Variants in NTN4 observed in about 807,000 individuals in gnomAD.
NTN4 encodes the protein netrin 4.
In NTN4, 32 loss-of-function variants were observed where a neutral mutation model predicts 73.6. The observed-to-expected ratio is 0.44, with a 90% CI of 0.33 to 0.58. The LOEUF (loss-of-function observed/expected upper bound fraction) is 0.58, where lower values mean the gene tolerates loss of function less well. NTN4 is among the 20% of genes least tolerant of loss of function. The probability of loss-of-function intolerance (pLI) is 0.04; values close to 1 mark genes in which losing one functional copy is unlikely to be tolerated. For synonymous variants in NTN4, 258 were observed against 287.5 expected (o/e 0.90, Z 1.04); for missense variants, 654 against 798.3 (o/e 0.82, Z 2.18).
chr12:95,673,219 T>C (rs531437062), intron 7 of NTN4: 23 of 428,472 alleles, frequency 5.4e-5, no homozygotes, highest in African/African-American at 4.3e-4. Context: ...ATTTTCGTTT[T>C]AGCCATTTTT....
intron 5 of NTN4, among the ~76,000 whole-genome samples, chr12:95,698,862 AAAAAT>A (rs2078461536): frequency 6.6e-6 from 1 of 152,016 alleles, no homozygotes. Flanking sequence ...GCCTCAAAAA[AAAAAT>A]AAAATAAAAA....
At chr12:95,774,394 G>A (rs2079077733) in intron 2 of NTN4, among the ~76,000 whole-genome samples, 1 of 152,094 alleles carries the variant, frequency 6.6e-6, no homozygotes, top group South Asian at 2.1e-4. Flanking sequence ...TGAGAATAAG[G>A]GATGCAGCGC....
intron 5 of NTN4, among the ~76,000 whole-genome samples, chr12:95,699,477 G>C (rs1023128956): frequency 2.6e-5 from 4 of 152,134 alleles, no homozygotes; most frequent in Non-Finnish European, 4.4e-5. Flanking sequence ...AGTGCAAACG[G>C]AAATGCAGAG....
At chr12:95,695,438 T>C (rs1487538178) in intron 5 of NTN4, among the ~76,000 whole-genome samples, 5 of 152,046 alleles carry the variant, frequency 3.3e-5, no homozygotes, top group South Asian at 2.1e-4. Flanking sequence ...GATCTTGGTT[T>C]ACTGCAACCT....
rs1035961381 is a variant in NTN4, at chr12:95,781,208, C to T, written c.585+5731G>A. On this transcript the variant is annotated intron_variant, in intron 2 of 9. Coordinates refer to ENST00000343702, the MANE Select transcript of NTN4 (RefSeq NM_021229.4). This position sits in a 1 kb window ranked among gnomAD's most constrained non-coding sequence, Gnocchi z 4.1. The stretch of plus-strand genomic sequence containing the variant: ...TAAGAGATATACCTTATGTAAATGA[C>T]GAGTTAATGGGTGCAGCACACCAGC... Among the ~76,000 whole-genome samples the T allele has an allele frequency of 3.9e-5, 6 of 152,032 alleles. No homozygotes were observed. The highest frequency in any genetic ancestry group is 2.1e-4 in the South Asian group (1 of 4,816).
chr12:95,721,363 T>A lies in NTN4; in HGVS notation c.865-8025A>T, dbSNP rs544804997. Reference sequence around the variant, plus strand: ...TGAATACAGAGAGACTGGCCCCAATTTCCCACACCTGGCATAAAGTTCAGG... The same window carrying A: ...TGAATACAGAGAGACTGGCCCCAATATCCCACACCTGGCATAAAGTTCAGG... On this transcript the variant is annotated intron_variant, in intron 3 of 9. Coordinates refer to ENST00000343702, the MANE Select transcript of NTN4 (RefSeq NM_021229.4). Among the ~76,000 whole-genome samples, 179 of 152,234 alleles carry A rather than the reference T, an allele frequency of 1.2e-3. 2 individuals carry two copies. In the South Asian group the frequency reaches 0.037, roughly 31 times the overall value.
chr12:95,693,205 C>A (rs556590914), intron 5 of NTN4, among the ~76,000 whole-genome samples: 1 of 151,188 alleles, frequency 6.6e-6, no homozygotes, highest in South Asian at 2.1e-4. Context: ...TAGATAATGA[C>A]AGGGCAGTAA....
chr12:95,773,504 A>T (rs915348292), intron 2 of NTN4, among the ~76,000 whole-genome samples: 1 of 152,044 alleles, frequency 6.6e-6, no homozygotes, highest in Non-Finnish European at 1.5e-5. Flanking sequence ...CATCACTCTG[A>T]TCTCACCTAC....
At chr12:95,778,849 A>T (rs1274751828) in intron 2 of NTN4, among the ~76,000 whole-genome samples, 3 of 152,170 alleles carry the variant, frequency 2.0e-5, no homozygotes, top group African/African-American at 7.2e-5. Flanking sequence ...CCTGGCAGAG[A>T]CACAACAAAA....
intron 2 of NTN4, among the ~76,000 whole-genome samples, chr12:95,750,899 C>G (rs1372630426): frequency 2.0e-5 from 3 of 152,208 alleles, no homozygotes; most frequent in Non-Finnish European, 2.9e-5. Context: ...AGCCCTCCCC[C>G]ACCTGCCCAG....
chr12:95,762,658 T>G (rs1005101631), intron 2 of NTN4, among the ~76,000 whole-genome samples: 1 of 152,168 alleles, frequency 6.6e-6, no homozygotes, highest in Non-Finnish European at 1.5e-5. Context: ...GAAAGAGAGG[T>G]GAGTCTAATT....
At chr12:95,778,085 C>T (rs567948056) in intron 2 of NTN4, among the ~76,000 whole-genome samples, 1 of 152,150 alleles carries the variant, frequency 6.6e-6, no homozygotes, top group Admixed American at 6.5e-5. Context: ...GAAATGAAGG[C>T]AGAAATAAAG....
intron 5 of NTN4, among the ~76,000 whole-genome samples, chr12:95,703,316 A>G (rs1289741471): frequency 1.3e-5 from 2 of 152,184 alleles, no homozygotes; most frequent in Non-Finnish European, 2.9e-5. Flanking sequence ...AAGGTTCATT[A>G]TTTCCTTGGT....
At chr12:95,688,839 A>T (rs186392191) in intron 5 of NTN4, among the ~76,000 whole-genome samples, 1 of 152,092 alleles carries the variant, frequency 6.6e-6, no homozygotes, top group Non-Finnish European at 1.5e-5. Flanking sequence ...CAAACAGTGC[A>T]GAATGCTCAA....
intron 2 of NTN4, among the ~76,000 whole-genome samples, chr12:95,775,491 C>T (rs11108259): frequency 0.013 from 1,926 of 152,340 alleles, 44 homozygotes; most frequent in African/African-American, 0.044. Flanking sequence ...CCTAATATTG[C>T]GCTTTTCCAA....
At chr12:95,732,871 G>A (rs890106727) in intron 3 of NTN4, among the ~76,000 whole-genome samples, 2 of 152,010 alleles carry the variant, frequency 1.3e-5, no homozygotes, top group South Asian at 4.2e-4. Flanking sequence ...GGATTCCTTG[G>A]GAAACACTTT....
chr12:95,788,163 A>G (rs1322708718), intron 1 of NTN4, among the ~76,000 whole-genome samples: 1 of 152,188 alleles, frequency 6.6e-6, no homozygotes, highest in Non-Finnish European at 1.5e-5. Flanking sequence ...TAACTAAGAA[A>G]AAAACTCTCT....
At chr12:95,710,728 C>T (rs1032621458) in intron 4 of NTN4, 99 bp from the exon 5 acceptor site, 11 of 1,124,068 alleles carry the variant, frequency 9.8e-6, no homozygotes, top group East Asian at 5.2e-5. Flanking sequence ...GTTGGCCAGG[C>T]GTGGTAGCTC....
intron 9 of NTN4, among the ~76,000 whole-genome samples, chr12:95,661,031 A>G (rs1231272238): frequency 2.0e-5 from 3 of 152,236 alleles, no homozygotes; most frequent in Non-Finnish European, 4.4e-5. Flanking sequence ...GGAAGGGGTT[A>G]TAACTTGTCA....
Sources: gnomAD v4.1 joint callset for allele counts (sites outside exome capture counted in the v4.1 genomes callset) on GRCh38, gnomAD v4.1.1 for gene constraint, Gnocchi (gnomAD v3.1) non-coding constraint, MANE v1.5 for transcripts, NCBI Gene and HGNC (gene_info 2026-07-23, HGNC 2026-07-21) for gene names.